The following SGCZ variants were observed in gnomAD, a reference collection of about 807,000 sequenced individuals.
SGCZ encodes sarcoglycan zeta, also known as zeta-sarcoglycan.
A neutral mutation model predicts 41.3 loss-of-function variants in SGCZ; 40 were observed. The observed-to-expected ratio is 0.97, with a 90% confidence interval of 0.75 to 1.26. The LOEUF (loss-of-function observed/expected upper bound fraction) is 1.26. Among genes scored for constraint, SGCZ ranks in the 50% most tolerant of loss-of-function variants. The pLI, the probability that SGCZ is intolerant of heterozygous loss-of-function variation, is 0.00. For missense variants in SGCZ, 552 were observed against 369.8 expected (o/e 1.49, Z -4.04); for synonymous variants, 206 against 137.5 (o/e 1.50, Z -3.49).
chr8:14,677,708 T>A (rs1808319623), intron 1 of SGCZ, among the ~76,000 whole-genome samples: 1 of 151,976 alleles, frequency 6.6e-6, no homozygotes. Context: ...GAGGCAGAGG[T>A]TGCAGTGAGC....
rs145469479 is a variant in SGCZ, at chr8:14,483,242, G to A, written c.234+71490C>T. 6.0e-4 allele frequency among the ~76,000 whole-genome samples: 92 copies of A among 152,220 alleles called. 1 individual carries two copies. The highest frequency in any genetic ancestry group is 2.0e-3 in the African/African-American group (83 of 41,540). ...AAACAAAATCTTATTTTAAGTACGC[G>A]TGACAATCATTGGCAGAAGGCAATT... On this transcript the variant is annotated intron_variant, in intron 2 of 7. Coordinates refer to ENST00000382080, the MANE Select transcript of SGCZ (RefSeq NM_139167.4).
chr8:14,498,840 A>G (rs1802066788), intron 2 of SGCZ, among the ~76,000 whole-genome samples: 2 of 151,910 alleles, frequency 1.3e-5, no homozygotes, highest in South Asian at 2.1e-4. Context: ...GCATCGACCC[A>G]GATATTTACC....
intron 1 of SGCZ, among the ~76,000 whole-genome samples, chr8:15,028,082 T>C (rs897239657): frequency 6.6e-6 from 1 of 152,088 alleles, no homozygotes; most frequent in Non-Finnish European, 1.5e-5. Context: ...CACTCCTCAA[T>C]GCTACCTAAC....
chr8:14,708,766 A>G (rs1051625567), intron 1 of SGCZ, among the ~76,000 whole-genome samples: 6 of 151,830 alleles, frequency 4.0e-5, no homozygotes, highest in Admixed American at 2.6e-4. Flanking sequence ...AAGATTCTAT[A>G]TGATATGGCT....
At chr8:14,500,428 G>T (rs1161336015) in intron 2 of SGCZ, among the ~76,000 whole-genome samples, 3 of 134,934 alleles carry the variant, frequency 2.2e-5, no homozygotes, top group Non-Finnish European at 5.0e-5. Flanking sequence ...ACAAAAGTTT[G>T]TCTTTCCAGT....
In SGCZ at chr8:14,891,720, GA is replaced by G. The variant is rs1479295682; in HGVS notation, c.40-336795del. 2.0e-5 allele frequency among the ~76,000 whole-genome samples: 3 copies of G among 152,190 alleles called. No individual in the cohort carries two copies. In the East Asian group the frequency reaches 5.8e-4, roughly 29 times the overall value. Reference sequence around the variant, plus strand: ...TATCAAACGGAGAGCATGCTACAGAGAAATCTTTGGTAAAAGGAAGAGTCAA... The same window carrying G: ...TATCAAACGGAGAGCATGCTACAGAGAATCTTTGGTAAAAGGAAGAGTCAA... On this transcript the variant is annotated intron_variant, in intron 1 of 7. Coordinates refer to ENST00000382080, the MANE Select transcript of SGCZ (RefSeq NM_139167.4).
intron 1 of SGCZ, among the ~76,000 whole-genome samples, chr8:14,562,365 C>G (rs539274732): frequency 6.6e-6 from 1 of 151,880 alleles, no homozygotes; most frequent in Non-Finnish European, 1.5e-5. Context: ...TCACGTTTGA[C>G]GAAAACACAA....
intron 2 of SGCZ, chr8:14,332,571 G>A (rs1040737130): frequency 6.6e-6 from 1 of 152,120 alleles, no homozygotes; most frequent in Non-Finnish European, 1.5e-5. Context: ...TCTGAAGGTA[G>A]TGAGTTATCT....
intron 3 of SGCZ, among the ~76,000 whole-genome samples, chr8:14,255,019 G>A (rs942141396): frequency 1.3e-5 from 2 of 152,078 alleles, no homozygotes; most frequent in African/African-American, 4.8e-5. Context: ...TGCTTTTGCT[G>A]CCTCTTCCAA....
At chr8:14,784,241 A>C (rs1585257152) in intron 1 of SGCZ, among the ~76,000 whole-genome samples, 2 of 151,726 alleles carry the variant, frequency 1.3e-5, no homozygotes, top group African/African-American at 4.8e-5. Context: ...TTGTAGAGAC[A>C]AGGTCTCAAT....
chr8:15,059,339 C>T (rs1255077134), intron 1 of SGCZ, among the ~76,000 whole-genome samples: 1 of 152,096 alleles, frequency 6.6e-6, no homozygotes, highest in African/African-American at 2.4e-5. Flanking sequence ...CTAAGGAGCA[C>T]ATGAACTCAA....
At chr8:14,906,824 T>C (rs1799132627) in intron 1 of SGCZ, among the ~76,000 whole-genome samples, 1 of 152,190 alleles carries the variant, frequency 6.6e-6, no homozygotes, top group African/African-American at 2.4e-5. Flanking sequence ...ACTGGGTTCT[T>C]ATGAGAGAAA....
intron 1 of SGCZ, among the ~76,000 whole-genome samples, chr8:15,038,836 AAAAG>A (rs1206876586): frequency 5.5e-5 from 8 of 145,414 alleles, no homozygotes; most frequent in African/African-American, 7.7e-5. Context: ...AAAAAAAAAA[AAAAG>A]AAAGAAAGAA....
At chr8:14,576,967 G>A (rs1041618704) in intron 1 of SGCZ, among the ~76,000 whole-genome samples, 1 of 152,124 alleles carries the variant, frequency 6.6e-6, no homozygotes, top group East Asian at 1.9e-4. Flanking sequence ...CACCCAAAAG[G>A]CCCTTCATGA....
At position 14,254,602 on chromosome 8, in the gene SGCZ, A is replaced by G. The variant is rs558472372; in HGVS notation, c.337-16923T>C. 4.6e-5 allele frequency among the ~76,000 whole-genome samples: 7 copies of G among 152,354 alleles called. No homozygotes were observed. The South Asian group carries it at 8.3e-4, about 18-fold the overall frequency. On this transcript the variant is annotated intron_variant, in intron 3 of 7. Transcript: ENST00000382080. Reference sequence around the variant, plus strand: ...TTGTTTCATTTCCCATTATTTCTATATGAAAACATTAATTTGATATCTGAT... The same window carrying G: ...TTGTTTCATTTCCCATTATTTCTATGTGAAAACATTAATTTGATATCTGAT...
chr8:14,142,392 C>T (rs1339953232), intron 5 of SGCZ, among the ~76,000 whole-genome samples: 1 of 151,922 alleles, frequency 6.6e-6, no homozygotes, highest in East Asian at 1.9e-4. Context: ...CTAACAGGAA[C>T]AGGAGGGGAG....
chr8:14,558,115 G>C (rs984431128), intron 1 of SGCZ, among the ~76,000 whole-genome samples: 2 of 152,088 alleles, frequency 1.3e-5, no homozygotes, highest in South Asian at 2.1e-4. Context: ...GTTTAATTCA[G>C]GAAGCATTAG....
At chr8:14,480,922 C>T (rs1425601284) in intron 2 of SGCZ, among the ~76,000 whole-genome samples, 2 of 151,914 alleles carry the variant, frequency 1.3e-5, no homozygotes, top group African/African-American at 4.8e-5. Context: ...GAATAACATT[C>T]TTATAAAAGA....
intron 2 of SGCZ, among the ~76,000 whole-genome samples, chr8:14,498,755 T>C (rs1437386136): frequency 6.6e-6 from 1 of 152,102 alleles, no homozygotes; most frequent in Admixed American, 6.6e-5. Flanking sequence ...TTATTTATAT[T>C]AATCCCTGTG....
Sources: allele counts gnomAD v4.1 joint callset (sites outside exome capture counted in the v4.1 genomes callset), GRCh38; gene constraint gnomAD v4.1.1; transcripts MANE v1.5; gene names NCBI Gene and HGNC (gene_info 2026-07-23, HGNC 2026-07-21).